Variants in SLC39A11 observed in about 807,000 individuals in gnomAD.
The protein encoded by SLC39A11 is solute carrier family 39 member 11, also known as zinc transporter ZIP11.
In SLC39A11, 33 loss-of-function variants were observed where a neutral mutation model predicts 36.1. The observed-to-expected ratio is 0.91, with a 90% confidence interval of 0.69 to 1.22. The LOEUF is 1.22. Among genes scored for constraint, SLC39A11 ranks in the 50% most tolerant of loss-of-function variants. The pLI is 0.00. For missense variants in SLC39A11, 432 were observed against 430.3 expected (o/e 1.00, Z -0.03); for synonymous variants, 166 against 170.3 (o/e 0.97, Z 0.20).
chr17:72,751,120 C>T (rs1345894968), intron 6 of SLC39A11, among the ~76,000 whole-genome samples: 3 of 152,060 alleles, frequency 2.0e-5, no homozygotes, highest in Non-Finnish European at 1.5e-5. Flanking sequence ...TGGTGGTGGG[C>T]GCTTGTAATC....
At chr17:73,016,589 C>T (rs2058175935) in intron 4 of SLC39A11, among the ~76,000 whole-genome samples, 1 of 152,164 alleles carries the variant, frequency 6.6e-6, no homozygotes, top group Non-Finnish European at 1.5e-5. Flanking sequence ...CTGCCTCAGC[C>T]TCCCAAAGTG....
At chr17:72,985,562 A>G (rs571619370) in intron 4 of SLC39A11, among the ~76,000 whole-genome samples, 1 of 152,010 alleles carries the variant, frequency 6.6e-6, no homozygotes, top group East Asian at 1.9e-4. Context: ...ACAGGCATGC[A>G]CCACAACACC....
intron 2 of SLC39A11, among the ~76,000 whole-genome samples, chr17:73,086,596 G>A (rs1454468304): frequency 6.6e-6 from 1 of 152,154 alleles, no homozygotes; most frequent in Non-Finnish European, 1.5e-5. Flanking sequence ...GAGGCAGGCA[G>A]ATCACTTGAG....
At chr17:73,053,324 A>G (rs1209670168) in intron 3 of SLC39A11, among the ~76,000 whole-genome samples, 2 of 152,068 alleles carry the variant, frequency 1.3e-5, no homozygotes, top group Non-Finnish European at 2.9e-5. Context: ...GTCTGTATGG[A>G]GAAGTTAATC....
chr17:72,898,903 T>C (rs997837955), intron 5 of SLC39A11, among the ~76,000 whole-genome samples: 1 of 152,192 alleles, frequency 6.6e-6, no homozygotes, highest in African/African-American at 2.4e-5. Flanking sequence ...AGGAAGCAGA[T>C]GCTCTTGCTG....
intron 4 of SLC39A11, among the ~76,000 whole-genome samples, chr17:73,001,766 G>C (rs2089836875): frequency 6.6e-6 from 1 of 152,132 alleles, no homozygotes; most frequent in Non-Finnish European, 1.5e-5. Context: ...TCTGCAATGT[G>C]AGGAGGCAAA....
At chr17:72,886,143 C>T (rs1009478277) in intron 5 of SLC39A11, among the ~76,000 whole-genome samples, 1 of 152,216 alleles carries the variant, frequency 6.6e-6, no homozygotes, top group South Asian at 2.1e-4. Flanking sequence ...TTCCACTTCC[C>T]GATTTCCAAA....
chr17:72,973,406 A>G (rs190252321), intron 4 of SLC39A11, among the ~76,000 whole-genome samples: 1 of 152,120 alleles, frequency 6.6e-6, no homozygotes, highest in Admixed American at 6.5e-5. Context: ...AAGGGCAAGT[A>G]GAAGATGAGA....
chr17:72,899,029 G>A (rs963483494), intron 5 of SLC39A11, among the ~76,000 whole-genome samples: 5 of 114,934 alleles, frequency 4.4e-5, no homozygotes, highest in African/African-American at 9.8e-5. Context: ...CAAGTAATTC[G>A]GCTGCACTCT....
intron 6 of SLC39A11, among the ~76,000 whole-genome samples, chr17:72,826,159 G>A (rs1363290839): frequency 6.6e-6 from 1 of 152,196 alleles, no homozygotes; most frequent in African/African-American, 2.4e-5. Flanking sequence ...GATCACGAGG[G>A]TGGACTTCCC....
At chr17:72,795,644 A>G (rs2076872168) in intron 6 of SLC39A11, among the ~76,000 whole-genome samples, 1 of 152,118 alleles carries the variant, frequency 6.6e-6, no homozygotes, top group African/African-American at 2.4e-5. Flanking sequence ...GATGATATTA[A>G]CAGATTTCTG....
chr17:72,674,983 C>CATATGTGT (rs1567932718), intron 7 of SLC39A11, among the ~76,000 whole-genome samples: 1 of 74,848 alleles, frequency 1.3e-5, no homozygotes, highest in African/African-American at 4.3e-5. Context: ...AGTGTGTGTG[C>CATATGTGT]GTATGTGTGT....
intron 2 of SLC39A11, among the ~76,000 whole-genome samples, chr17:73,086,554 G>A (rs1215942740): frequency 6.6e-6 from 1 of 152,140 alleles, no homozygotes; most frequent in Non-Finnish European, 1.5e-5. Context: ...GCATGATGGT[G>A]CACACCTGTA....
At chr17:72,722,788 C>A in intron 7 of SLC39A11, among the ~76,000 whole-genome samples, 1 of 152,048 alleles carries the variant, frequency 6.6e-6, no homozygotes, top group Non-Finnish European at 1.5e-5. Context: ...GTGCCTGCCA[C>A]CAAGCCTGGC....
At chr17:72,793,702 T>C (rs576305945) in intron 6 of SLC39A11, among the ~76,000 whole-genome samples, 87 of 152,298 alleles carry the variant, frequency 5.7e-4, no homozygotes, top group African/African-American at 2.0e-3. Context: ...AGTGTTGGGA[T>C]TACAGGCGTG....
chr17:72,899,037 TCTC>T (rs5821930), intron 5 of SLC39A11, among the ~76,000 whole-genome samples: 73,036 of 151,800 alleles, frequency 0.48, 17,872 homozygotes, highest in East Asian at 0.72. Context: ...TCGGCTGCAC[TCTC>T]CTAAGCTTTA....
chr17:72,793,833 G>A (rs1189714157), intron 6 of SLC39A11, among the ~76,000 whole-genome samples: 1 of 152,214 alleles, frequency 6.6e-6, no homozygotes, highest in Admixed American at 6.5e-5. Flanking sequence ...GCTTCTCTAA[G>A]ATTAAGGCTA....
chr17:72,998,664 T>C (rs2089649896), intron 4 of SLC39A11, among the ~76,000 whole-genome samples: 2 of 152,090 alleles, frequency 1.3e-5, no homozygotes, highest in Admixed American at 6.6e-5. Flanking sequence ...ACTGCAAAAG[T>C]CTGAAAAAGT....
chr17:73,012,568 G>A (rs1214880590), intron 4 of SLC39A11, among the ~76,000 whole-genome samples: 6 of 151,722 alleles, frequency 4.0e-5, no homozygotes, highest in Middle Eastern at 6.8e-3. Flanking sequence ...TTAGAATCAG[G>A]GGGTACGTGT....
Sources: gnomAD v4.1 joint callset for allele counts (sites outside exome capture counted in the v4.1 genomes callset) on GRCh38, gnomAD v4.1.1 for gene constraint, MANE v1.5 for transcripts, NCBI Gene and HGNC (gene_info 2026-07-23, HGNC 2026-07-21) for gene names.